EFCAB13: variants seen among roughly 807,000 people sequenced by gnomAD.
EFCAB13 encodes EF-hand calcium-binding domain-containing protein 13.
A neutral mutation model predicts 110.2 loss-of-function variants in EFCAB13; 91 were observed. The observed-to-expected ratio is 0.83, with a 90% CI of 0.70 to 0.98. The LOEUF (loss-of-function observed/expected upper bound fraction) is 0.98. Among genes scored for constraint, EFCAB13 ranks in the 50% least tolerant of loss-of-function variants. The pLI, the probability that EFCAB13 is intolerant of heterozygous loss-of-function variation, is 0.00. For synonymous variants in EFCAB13, 323 were observed against 369.9 expected, an observed-to-expected ratio of 0.87 and a Z score of 1.45; for missense variants, 968 against 1,119.4, an observed-to-expected ratio of 0.86 and a Z score of 1.93.
At chr17:47,426,633 G>T (rs1904970460) in intron 23 of EFCAB13, among the ~76,000 whole-genome samples, 1 of 151,896 alleles carries the variant, frequency 6.6e-6, no homozygotes, top group African/African-American at 2.4e-5. Flanking sequence ...TATAAATTTT[G>T]CTTTCTATGG....
At chr17:47,327,824 T>G (rs542720555) in intron 3 of EFCAB13, among the ~76,000 whole-genome samples, 1 of 152,326 alleles carries the variant, frequency 6.6e-6, no homozygotes, top group African/African-American at 2.4e-5. Flanking sequence ...GACCACAGGC[T>G]TGGAGTTAAA....
intron 17 of EFCAB13, 169 bp downstream of exon 17, chr17:47,396,146 G>T: frequency 2.2e-6 from 1 of 456,624 alleles, no homozygotes; most frequent in South Asian, 6.2e-5. Flanking sequence ...AGATTGTTTG[G>T]CTATTCAATA....
At chr17:47,341,875 A>T in intron 5 of EFCAB13, 46 bp from the exon 6 acceptor site, 1 of 1,116,176 alleles carries the variant, frequency 9.0e-7, no homozygotes, top group East Asian at 2.4e-5. Context: ...TGAAAAGAAT[A>T]AGTAAAAAGA....
At position 47,361,411 on chromosome 17, in the gene EFCAB13, T is replaced by C; in HGVS notation, c.695T>C (p.Ile232Thr). ...FQDALKIFCR[I>T]KGGRVSTDDV... is the part of the protein sequence containing the mutation. ...GATGCCTTGAAGATTTTCTGTAGGA[T>C]AAAAGGTGGTCGAGTTTCAACTGAT... is the stretch of plus-strand genomic sequence containing the variant. The change falls in exon 10 of 25, where the codon ATA becomes ACA. Residue 232 changes from isoleucine (I) to threonine (T), a missense_variant. By Grantham distance (89) the Ile-to-Thr change is moderately conservative. Transcript: ENST00000331493. 1 of 1,613,880 alleles carries C rather than the reference T, an allele frequency of 6.2e-7. No individual in the cohort carries two copies. Among genetic ancestry groups the C allele is most frequent in the Non-Finnish European group, 8.5e-7 (1 of 1,179,862 alleles).
At chr17:47,426,462 C>CTT (rs1242743862) in intron 23 of EFCAB13, among the ~76,000 whole-genome samples, 1 of 152,138 alleles carries the variant, frequency 6.6e-6, no homozygotes, top group Non-Finnish European at 1.5e-5. Flanking sequence ...GGCAGCCATC[C>CTT]TTTTTAAGAG....
intron 9 of EFCAB13, 85 bp downstream of exon 9, chr17:47,348,036 A>G (rs2065427809): frequency 1.0e-5 from 11 of 1,096,134 alleles, no homozygotes; most frequent in Non-Finnish European, 1.3e-5. Flanking sequence ...TAGGAAAGCT[A>G]AACCTTAAAA....
intron 11 of EFCAB13, among the ~76,000 whole-genome samples, chr17:47,373,489 C>T (rs1024741051): frequency 1.3e-5 from 2 of 152,022 alleles, no homozygotes; most frequent in African/African-American, 4.8e-5. Flanking sequence ...TATTATGTCT[C>T]CTTGATTTTT....
intron 9 of EFCAB13, among the ~76,000 whole-genome samples, chr17:47,351,261 T>G (rs2065448095): frequency 1.4e-5 from 2 of 141,928 alleles, no homozygotes; most frequent in Admixed American, 7.0e-5. Flanking sequence ...TTCTTTTCTG[T>G]GGCTGACTAG....
chr17:47,367,262 A>G (rs1199735852), intron 10 of EFCAB13, among the ~76,000 whole-genome samples: 1 of 152,236 alleles, frequency 6.6e-6, no homozygotes, highest in Non-Finnish European at 1.5e-5. Context: ...CTTGCTTTGC[A>G]GTGATTTAAA....
At chr17:47,333,062 G>A (rs1477938030) in intron 4 of EFCAB13, among the ~76,000 whole-genome samples, 2 of 152,048 alleles carry the variant, frequency 1.3e-5, no homozygotes, top group Non-Finnish European at 2.9e-5. Context: ...CCACATCCTT[G>A]CCAACACTTG....
chr17:47,354,860 A>G (rs1484311766), intron 9 of EFCAB13, among the ~76,000 whole-genome samples: 1 of 152,156 alleles, frequency 6.6e-6, no homozygotes, highest in Admixed American at 6.5e-5. Flanking sequence ...CATTTAAATC[A>G]TTTACATTCA....
rs758376019 is a variant in EFCAB13 at position 47,402,182 on chromosome 17, C to T, written c.1996C>T (p.Arg666Cys). 1.4e-5 allele frequency: 23 copies of T among 1,613,466 alleles called. No homozygotes were observed. The highest frequency in any genetic ancestry group is 5.3e-5 in the African/African-American group (4 of 74,900). Reference sequence around the variant, plus strand: ...ATTTGCAAAAGTAGTAAGGAATATGCGTGATGCTGCCAGGTTAGAAGGTAA... The same window carrying T: ...ATTTGCAAAAGTAGTAAGGAATATGTGTGATGCTGCCAGGTTAGAAGGTAA... ...EEFAKVVRNMRDAARLEELQE... is the reference protein window; with the variant it reads ...EEFAKVVRNMCDAARLEELQE... Residue 666 changes from arginine to cysteine, a missense_variant, in exon 18 of 25, where the codon CGT becomes TGT. Coordinates refer to ENST00000331493, the MANE Select transcript of EFCAB13 (RefSeq NM_152347.5).
intron 4 of EFCAB13, 38 bp from the exon 5 acceptor site, chr17:47,335,158 A>G (rs1228181175): frequency 6.5e-6 from 10 of 1,537,160 alleles, no homozygotes; most frequent in Non-Finnish European, 7.9e-6. Context: ...TGTATGTGCA[A>G]AGAGGACATG....
chr17:47,338,249 T>G lies in EFCAB13; in HGVS notation c.191+2893T>G, dbSNP rs537753675. 2.9e-3 allele frequency among the ~76,000 whole-genome samples: 441 copies of G among 151,658 alleles called. 2 individuals are homozygous for G. Among genetic ancestry groups the G allele is most frequent in the African/African-American group, 9.1e-3 (378 of 41,382 alleles). ...GGTTAGGAGGTCACTACTAGTTTTT[T>G]TTTTTTTTTTTCTTTCTTGAGTCAG... On this transcript the variant is annotated intron_variant, in intron 5 of 24. Transcript: ENST00000331493.
intron 6 of EFCAB13, among the ~76,000 whole-genome samples, chr17:47,343,156 A>T (rs1304621724): frequency 2.6e-5 from 4 of 152,054 alleles, no homozygotes; most frequent in Admixed American, 2.6e-4. Flanking sequence ...ATTCTTTCAT[A>T]TATAGTTGAT....
chr17:47,409,818 T>C (rs2065824553), intron 21 of EFCAB13, 127 bp downstream of exon 21: 3 of 704,084 alleles, frequency 4.3e-6, no homozygotes, highest in South Asian at 1.8e-5. Flanking sequence ...TTTTCCACAA[T>C]AGTAATCTGA....
At chr17:47,395,551 C>G (rs1192269669) in intron 16 of EFCAB13, among the ~76,000 whole-genome samples, 4 of 152,078 alleles carry the variant, frequency 2.6e-5, no homozygotes, top group Non-Finnish European at 5.9e-5. Flanking sequence ...TGAATTCACA[C>G]TTTTAAAAAT....
At chr17:47,409,155 T>C (rs956921036) in intron 20 of EFCAB13, among the ~76,000 whole-genome samples, 10 of 152,214 alleles carry the variant, frequency 6.6e-5, no homozygotes, top group Admixed American at 1.3e-4. Context: ...TCCTCAGATC[T>C]CTACACCAAC....
chr17:47,423,241 ATTGTT>A (rs1373093675), intron 23 of EFCAB13: 1 of 152,128 alleles, frequency 6.6e-6, no homozygotes, highest in Non-Finnish European at 1.5e-5. Context: ...TTATGATTGT[ATTGTT>A]ATGTAAGAGA....
Sources: gnomAD v4.1 joint callset for allele counts (sites outside exome capture counted in the v4.1 genomes callset) on GRCh38, gnomAD v4.1.1 for gene constraint, MANE v1.5 for transcripts, NCBI Gene and HGNC (gene_info 2026-07-23, HGNC 2026-07-21) for gene names.